The following ENKUR variants were observed in gnomAD, a reference collection of about 807,000 sequenced individuals.
The protein encoded by ENKUR is enkurin, TRPC channel interacting protein, also known as enkurin.
Under a neutral mutation model 27.6 loss-of-function variants are expected in ENKUR, and 19 were observed. The ratio of observed to expected loss-of-function variants is 0.69; its 90% CI spans 0.48 to 1.01. ENKUR has a LOEUF of 1.01. Among genes scored for constraint, ENKUR ranks in the 50% least tolerant of loss-of-function variants. The pLI is 0.00. For synonymous variants in ENKUR, 117 were observed against 96.9 expected, an observed-to-expected ratio of 1.21 and a Z score of -1.22; for missense variants, 312 against 310.5, an observed-to-expected ratio of 1.00 and a Z score of -0.04.
chr10:25,002,260 T>C (rs1227491776), intron 1 of ENKUR, among the ~76,000 whole-genome samples: 2 of 152,212 alleles, frequency 1.3e-5, no homozygotes, highest in East Asian at 3.8e-4. Flanking sequence ...CTTGGTTGTT[T>C]CATTACATAC....
intron 3 of ENKUR, among the ~76,000 whole-genome samples, chr10:24,991,550 G>A (rs1010863530): frequency 1.3e-5 from 2 of 152,120 alleles, no homozygotes; most frequent in African/African-American, 2.4e-5. Flanking sequence ...GCAGGCCATC[G>A]ATCAGTGGAA....
chr10:25,020,155 C>T (rs1253299664), upstream of ENKUR, among the ~76,000 whole-genome samples: 2 of 151,756 alleles, frequency 1.3e-5, no homozygotes, highest in African/African-American at 2.4e-5. Flanking sequence ...ACTTAACTGC[C>T]TTCTGCTAGT....
At chr10:25,023,660 A>G in intron 2 of ENKUR, 4 of 1,614,178 alleles carry the variant, frequency 2.5e-6, no homozygotes, top group Non-Finnish European at 3.4e-6. Flanking sequence ...TGGCATCTGA[A>G]GAAAAATGGA....
Position 25,040,371 on chromosome 10 carries a change from AT to A in ENKUR, c.37+20740del, listed in dbSNP as rs370808163. On this transcript the variant is annotated intron_variant, in intron 2 of 5. Transcript: ENST00000615958. ...CTCTACCACAGGTATATTAAATGGG[AT>A]TTTTTTTTTTTTTTTTTGAGACCGA... is the stretch of plus-strand genomic sequence containing the variant. Among the ~76,000 whole-genome samples the A allele has an allele frequency of 1.0e-2, 1,335 of 133,722 alleles. 9 individuals carry two copies. Among genetic ancestry groups the A allele is most frequent in the African/African-American group, 0.017 (602 of 36,274 alleles). The allele number at this position is 133,722 out of a possible 152,430, so 87.7% of individuals were successfully genotyped here. A position where few individuals can be genotyped will look rare whatever the true frequency, so the allele number is the denominator to read the frequency against.
chr10:24,992,397 A>C (rs2132679123), intron 3 of ENKUR, among the ~76,000 whole-genome samples: 1 of 152,338 alleles, frequency 6.6e-6, no homozygotes. Flanking sequence ...TATGGTAGTC[A>C]TTAAAATTCT....
At chr10:25,029,085 T>G (rs2132772875) in intron 2 of ENKUR, among the ~76,000 whole-genome samples, 1 of 152,338 alleles carries the variant, frequency 6.6e-6, no homozygotes, top group East Asian at 1.9e-4. Flanking sequence ...ACTGGACATT[T>G]GTCTAATTTT....
In ENKUR at chr10:24,984,293, T is replaced by C; in HGVS notation, c.*77A>G. 6.6e-7 allele frequency: 1 copy of C among 1,506,306 alleles called. No individual in the cohort carries two copies. The allele number at this position is 1,506,306 out of a possible 1,614,324, so 93.3% of individuals were successfully genotyped here. On this transcript the variant is annotated 3_prime_UTR_variant, in exon 6 of 6. Transcript: ENST00000331161. ...CTCAGAAACAATGTGTTGGAGACAG[T>C]TTAGAGTAGCAAGAAGGCACGTGTT...
chr10:25,054,496 T>TCTTTCTTTCTTTCTTTC (rs1564358664), intron 2 of ENKUR, among the ~76,000 whole-genome samples: 2 of 141,400 alleles, frequency 1.4e-5, no homozygotes, highest in African/African-American at 2.7e-5. Context: ...TTTCTTTCTT[T>TCTTTCTTTCTTTCTTTC]CTTTCTTTCT....
chr10:25,049,821 TAA>T (rs904364228), intron 2 of ENKUR, among the ~76,000 whole-genome samples: 2 of 147,074 alleles, frequency 1.4e-5, no homozygotes, highest in South Asian at 2.2e-4. Flanking sequence ...AATTAAAATT[TAA>T]AAAAAAAAAG....
chr10:25,059,163 C>T (rs1293612733), intron 2 of ENKUR, among the ~76,000 whole-genome samples: 19 of 140,168 alleles, frequency 1.4e-4, no homozygotes, highest in African/African-American at 4.2e-4. Context: ...GAAGGAGTCT[C>T]GCTTAGTCAT....
At chr10:25,024,954 C>T (rs543682774) in intron 2 of ENKUR, 2 of 1,614,084 alleles carry the variant, frequency 1.2e-6, no homozygotes, top group Admixed American at 3.3e-5. Context: ...GACATTTACA[C>T]TTGATGGCTA....
chr10:25,016,543 G>A (rs1344451878), upstream of ENKUR: 1 of 152,340 alleles, frequency 6.6e-6, no homozygotes, highest in African/African-American at 2.4e-5. Context: ...GAGGAGATCG[G>A]AGTGCTCGGA....
rs892194315 is a variant in ENKUR at position 24,999,546 on chromosome 10, C to T, written c.78G>A (p.Arg26=). The change falls in exon 2 of 6, where the codon AGG becomes AGA. Residue 26 remains arginine (R), a splice_region_variant and synonymous_variant. Coordinates refer to ENST00000331161, the MANE Select transcript of ENKUR (RefSeq NM_145010.4). ...SDLKEPPQPP[R]YISIFKATVK... ...CAGTTGCCTTAAAAATGGATATGTA[C>T]CTAAAATTGAATTTTAAAAGTTGTA... 3 of 1,597,734 alleles carry T rather than the reference C, an allele frequency of 1.9e-6. No homozygotes were observed. The highest frequency in any genetic ancestry group is 2.2e-5 in the East Asian group (1 of 44,702).
intron 2 of ENKUR, chr10:25,026,433 C>T (rs1850853283): frequency 6.0e-6 from 1 of 167,022 alleles, no homozygotes. Context: ...TGAGTAGTCT[C>T]AATAGGAGTG....
intron 3 of ENKUR, among the ~76,000 whole-genome samples, chr10:24,992,712 C>T (rs1849951981): frequency 6.6e-6 from 1 of 152,138 alleles, no homozygotes; most frequent in African/African-American, 2.4e-5. Context: ...CTTTAAGTTA[C>T]TGAAATTTGG....
intron 4 of ENKUR, among the ~76,000 whole-genome samples, chr10:24,988,278 GTATATATATTTATATATGTA>G (rs1849826993): frequency 7.2e-6 from 1 of 139,782 alleles, no homozygotes; most frequent in South Asian, 2.1e-4. Context: ...ATATATATGT[GTATATATATTTATATATGTA>G]TATATATTTA....
At chr10:25,024,022 G>T (rs1186736775) in intron 2 of ENKUR, 1 of 1,614,072 alleles carries the variant, frequency 6.2e-7, no homozygotes, top group African/African-American at 1.3e-5. Context: ...TGGCCTCTTT[G>T]TTCCTGCAAA....
chr10:25,046,047 T>A (rs1851118446), intron 2 of ENKUR, among the ~76,000 whole-genome samples: 1 of 152,260 alleles, frequency 6.6e-6, no homozygotes, highest in African/African-American at 2.4e-5. Flanking sequence ...AATCAAAATG[T>A]TCTCATTATC....
At chr10:25,010,322 T>A (rs572067296) in intron 1 of ENKUR, among the ~76,000 whole-genome samples, 7 of 152,154 alleles carry the variant, frequency 4.6e-5, no homozygotes, top group Non-Finnish European at 1.0e-4. Flanking sequence ...GAGAGATGAT[T>A]CCGGGCATCT....
Sources: allele counts gnomAD v4.1 joint callset (sites outside exome capture counted in the v4.1 genomes callset), GRCh38; gene constraint gnomAD v4.1.1; transcripts MANE v1.5; gene names NCBI Gene and HGNC (gene_info 2026-07-23, HGNC 2026-07-21).